C18orf63: variants seen among roughly 807,000 people sequenced by gnomAD.
C18orf63 encodes the protein uncharacterized protein C18orf63.
C18orf63 carries 50 observed loss-of-function variants against 75.3 expected under a neutral mutation model. That is an observed-to-expected ratio of 0.66 (90% CI 0.53 to 0.84). The LOEUF (loss-of-function observed/expected upper bound fraction) is 0.84, where lower values mean the gene tolerates loss of function less well. Among genes scored for constraint, C18orf63 ranks in the 40% least tolerant of loss-of-function variants. The pLI, the probability that C18orf63 is intolerant of heterozygous loss-of-function variation, is 0.00. For missense variants in C18orf63, 732 were observed against 800.2 expected (o/e 0.91, Z 1.03); for synonymous variants, 232 against 267.6 (o/e 0.87, Z 1.30).
chr18:74,326,548 C>T (rs958454293), intron 4 of C18orf63, among the ~76,000 whole-genome samples: 1 of 152,198 alleles, frequency 6.6e-6, no homozygotes, highest in African/African-American at 2.4e-5. Flanking sequence ...GCTTCCTAGA[C>T]TCTCAGCTCT....
chr18:74,348,545 A>C (rs1051434801), intron 11 of C18orf63, among the ~76,000 whole-genome samples: 3 of 152,176 alleles, frequency 2.0e-5, no homozygotes, highest in African/African-American at 7.2e-5. Context: ...ATCTAAGTTC[A>C]AGCTTTTGGC....
At chr18:74,327,057 G>C (rs572986219) in intron 4 of C18orf63, among the ~76,000 whole-genome samples, 10 of 151,650 alleles carry the variant, frequency 6.6e-5, no homozygotes, top group African/African-American at 2.4e-4. Flanking sequence ...AGCCCACCAA[G>C]AGTTTTGCCT....
At chr18:74,331,095 T>C (rs980416233) in intron 7 of C18orf63, among the ~76,000 whole-genome samples, 153 bp downstream of exon 7, 2 of 152,200 alleles carry the variant, frequency 1.3e-5, no homozygotes, top group African/African-American at 2.4e-5. Context: ...ATGCTTGATA[T>C]ATTTATGTCA....
intron 11 of C18orf63, among the ~76,000 whole-genome samples, chr18:74,344,080 G>C (rs953905885): frequency 6.6e-6 from 1 of 152,076 alleles, no homozygotes; most frequent in Non-Finnish European, 1.5e-5. Context: ...AATCAAGTAA[G>C]TTGGGGCTTC....
intron 11 of C18orf63, among the ~76,000 whole-genome samples, chr18:74,344,101 C>T (rs1368068712): frequency 1.3e-5 from 2 of 152,056 alleles, no homozygotes; most frequent in Admixed American, 6.6e-5. Flanking sequence ...TATGGAACCA[C>T]TTAGAGACTG....
At chr18:74,322,778 A>T (rs1441599211) in intron 4 of C18orf63, 24 bp downstream of exon 4, 1 of 1,024,366 alleles carries the variant, frequency 9.8e-7, no homozygotes, top group Non-Finnish European at 1.4e-6. Flanking sequence ...AATGATATTA[A>T]TACCATATGT....
intron 2 of C18orf63, among the ~76,000 whole-genome samples, chr18:74,319,014 C>A (rs948232289): frequency 6.6e-6 from 1 of 152,140 alleles, no homozygotes; most frequent in Admixed American, 6.5e-5. Flanking sequence ...CCTTCATTTT[C>A]GTCTTATTTA....
In C18orf63 at chr18:74,358,015, C is replaced by T. The variant is rs1468507516; in HGVS notation, c.*1568C>T. The T allele has an allele frequency of 6.6e-6, 1 of 152,150 alleles. No individual in the cohort carries two copies. Among genetic ancestry groups the T allele is most frequent in the Non-Finnish European group, 1.5e-5 (1 of 68,040 alleles). The allele number at this position is 152,150 out of a possible 1,614,324, so 9.4% of individuals were successfully genotyped here. On this transcript the variant is annotated 3_prime_UTR_variant, in exon 14 of 14. Coordinates refer to ENST00000579455, the MANE Select transcript of C18orf63 (RefSeq NM_001174123.2). ...GCATGTAATCATTCCTAAAACCAGCCTTCCCCACTGTTCCATACATTCCCA... is the reference window on the plus strand; with the variant it reads ...GCATGTAATCATTCCTAAAACCAGCTTTCCCCACTGTTCCATACATTCCCA...
intron 11 of C18orf63, among the ~76,000 whole-genome samples, chr18:74,347,930 G>C (rs1984601513): frequency 6.6e-6 from 1 of 152,076 alleles, no homozygotes; most frequent in African/African-American, 2.4e-5. Context: ...ACCAATCCCA[G>C]ATATAGTGTT....
chr18:74,347,392 G>A (rs1218464795), intron 11 of C18orf63, among the ~76,000 whole-genome samples: 1 of 152,226 alleles, frequency 6.6e-6, no homozygotes, highest in Non-Finnish European at 1.5e-5. Flanking sequence ...GCCCATCAGA[G>A]TTGTTCTGCA....
rs191246602 is a variant in C18orf63 at position 74,321,857 on chromosome 18, T to C, written c.214-841T>C. ...AAAAAAAAAAGTTGATGTTTAAAAG[T>C]AGAAAATGGGATTACATACATACTA... On this transcript the variant is annotated intron_variant, in intron 3 of 13. Coordinates refer to ENST00000579455, the MANE Select transcript of C18orf63 (RefSeq NM_001174123.2). Among the ~76,000 whole-genome samples, 667 of 152,202 alleles carry C rather than the reference T, an allele frequency of 4.4e-3. 2 individuals carry two copies. In the South Asian group the frequency reaches 0.047, roughly 11 times the overall value.
At chr18:74,349,205 C>T (rs565810346) in intron 11 of C18orf63, among the ~76,000 whole-genome samples, 7 of 152,028 alleles carry the variant, frequency 4.6e-5, no homozygotes, top group Admixed American at 4.6e-4. Context: ...TTTCATGAAA[C>T]GGAAAAAAAT....
At chr18:74,347,949 A>G (rs1480173977) in intron 11 of C18orf63, among the ~76,000 whole-genome samples, 2 of 152,194 alleles carry the variant, frequency 1.3e-5, no homozygotes, top group African/African-American at 4.8e-5. Context: ...TTTTACCTGT[A>G]AAGACTATGG....
At chr18:74,335,717 T>C (rs1984380726) in intron 7 of C18orf63, among the ~76,000 whole-genome samples, 1 of 152,160 alleles carries the variant, frequency 6.6e-6, no homozygotes, top group South Asian at 2.1e-4. Flanking sequence ...GGATATTTAC[T>C]GGGTACTACT....
rs1425478401 is a variant in C18orf63, at chr18:74,322,733, T to C, written c.249T>C (p.Tyr83=). The C allele has an allele frequency of 2.2e-5, 30 of 1,356,200 alleles. No homozygotes were observed. The highest frequency in any genetic ancestry group is 2.8e-5 in the Non-Finnish European group (28 of 1,002,436). The allele number at this position is 1,356,200 out of a possible 1,614,324, so 84.0% of individuals were successfully genotyped here. A position where few individuals can be genotyped will look rare whatever the true frequency, so the allele number is the denominator to read the frequency against. ...PFYKARKLNA[Y]VEKYGAKMEA... is the part of the protein sequence containing the mutation. ...ATAAAGCAAGAAAACTTAATGCCTA[T>C]GTTGAAAAATATGGAGCTAAGGTAA... Residue 83 remains tyrosine, a synonymous_variant, in exon 4 of 14, where the codon TAT becomes TAC. Coordinates refer to ENST00000579455, the MANE Select transcript of C18orf63 (RefSeq NM_001174123.2).
chr18:74,329,255 G>A (rs1984261852), intron 6 of C18orf63, among the ~76,000 whole-genome samples: 1 of 151,588 alleles, frequency 6.6e-6, no homozygotes, highest in Admixed American at 6.6e-5. Flanking sequence ...CACACCTGTA[G>A]CCCCGTCTAC....
intron 4 of C18orf63, among the ~76,000 whole-genome samples, chr18:74,326,457 C>A (rs1984209739): frequency 1.3e-5 from 2 of 152,188 alleles, no homozygotes; most frequent in Admixed American, 6.5e-5. Context: ...CCATACTCAG[C>A]TGATTACTCA....
At chr18:74,326,748 C>A (rs925754785) in intron 4 of C18orf63, among the ~76,000 whole-genome samples, 1 of 152,196 alleles carries the variant, frequency 6.6e-6, no homozygotes, top group Non-Finnish European at 1.5e-5. Flanking sequence ...TTTCGTATAA[C>A]TTGCCTGGTG....
intron 4 of C18orf63, among the ~76,000 whole-genome samples, chr18:74,322,990 T>C (rs1984150020): frequency 1.3e-5 from 2 of 152,214 alleles, no homozygotes; most frequent in African/African-American, 4.8e-5. Flanking sequence ...CATAATCTTA[T>C]TTGCCATATA....
Sources: gnomAD v4.1 joint callset for allele counts (sites outside exome capture counted in the v4.1 genomes callset) on GRCh38, gnomAD v4.1.1 for gene constraint, MANE v1.5 for transcripts, NCBI Gene and HGNC (gene_info 2026-07-23, HGNC 2026-07-21) for gene names.